The following CSMD3 variants were observed in gnomAD, a reference collection of about 807,000 sequenced individuals.
The protein encoded by CSMD3 is CUB and sushi domain-containing protein 3.
CSMD3 carries 177 observed loss-of-function variants against 435.2 expected under a neutral mutation model. That is an observed-to-expected ratio of 0.41 (90% CI 0.36 to 0.46). CSMD3 has a LOEUF of 0.46. Among genes scored for constraint, CSMD3 ranks in the 20% least tolerant of loss-of-function variants. The pLI is 0.34. For synonymous variants in CSMD3, 1,656 were observed against 1,520.5 expected (o/e 1.09, Z -2.07); for missense variants, 4,265 against 4,504.6 (o/e 0.95, Z 1.52).
chr8:112,905,519 G>A (rs1264410253), intron 10 of CSMD3, among the ~76,000 whole-genome samples: 1 of 151,272 alleles, frequency 6.6e-6, no homozygotes, highest in Non-Finnish European at 1.5e-5. Flanking sequence ...AGGGACAGTT[G>A]TTCTTTCCAA....
chr8:112,712,360 T>C (rs2076627492), intron 13 of CSMD3, among the ~76,000 whole-genome samples: 1 of 152,172 alleles, frequency 6.6e-6, no homozygotes. Flanking sequence ...CTTGAGGTAA[T>C]TTAGTTTCTA....
rs143925513 is a variant in CSMD3 at position 112,289,405 on chromosome 8, T to C, written c.9108A>G (p.Gln3036=). The part of the protein sequence containing the change: ...SLLGQSSRTC[Q]LNGHWSGSQP... ...GTGATCCACTCCAATGGCCATTCAA[T>C]TGGCAGGTTCTTGATGACTGGCCTA... is the stretch of plus-strand genomic sequence containing the variant. The change falls in exon 57 of 71, where the codon CAA becomes CAG. Residue 3036 remains glutamine, a synonymous_variant. Transcript: ENST00000297405. The C allele has an allele frequency of 5.2e-4, 846 of 1,613,402 alleles. 5 individuals are homozygous for C. The African/African-American group carries it at 9.7e-3, about 18-fold the overall frequency.
At chr8:112,570,128 A>G (rs1829388638) in intron 24 of CSMD3, among the ~76,000 whole-genome samples, 1 of 151,298 alleles carries the variant, frequency 6.6e-6, no homozygotes, top group South Asian at 2.1e-4. Flanking sequence ...TATCACGTTC[A>G]GGAATTGAAT....
At chr8:113,296,937 C>G (rs1223053267) in intron 2 of CSMD3, among the ~76,000 whole-genome samples, 1 of 151,788 alleles carries the variant, frequency 6.6e-6, no homozygotes, top group African/African-American at 2.4e-5. Flanking sequence ...TAAACACAAG[C>G]GAAAAAATAA....
intron 11 of CSMD3, among the ~76,000 whole-genome samples, chr8:112,844,609 C>T (rs769494649): frequency 1.3e-5 from 2 of 151,962 alleles, no homozygotes; most frequent in Non-Finnish European, 2.9e-5. Flanking sequence ...CATGTTGCAA[C>T]CTAAGATAAA....
chr8:112,742,350 A>G (rs1217903650), intron 13 of CSMD3, among the ~76,000 whole-genome samples: 2 of 151,984 alleles, frequency 1.3e-5, no homozygotes, highest in African/African-American at 4.8e-5. Flanking sequence ...AGAGAAAGAA[A>G]AAATCTTTGA....
chr8:112,416,270 T>C (rs765591936), intron 32 of CSMD3, among the ~76,000 whole-genome samples: 2 of 152,168 alleles, frequency 1.3e-5, no homozygotes, highest in East Asian at 1.9e-4. Context: ...TTTATAAGTG[T>C]CTGGTATTTC....
chr8:112,992,186 TTTTC>T (rs200141208), intron 6 of CSMD3, among the ~76,000 whole-genome samples: 48 of 151,838 alleles, frequency 3.2e-4, no homozygotes, highest in African/African-American at 7.5e-4. Context: ...CTTCCTTCTT[TTTTC>T]TTTCTTTCTT....
At position 113,201,050 on chromosome 8, in the gene CSMD3, C is replaced by T. The variant is rs74384184; in HGVS notation, c.515-27134G>A. ...AGACTATTTGCATCTCTCTCAGAAC[C>T]CTTTGTAGAGACAACTTCATGTGAA... On this transcript the variant is annotated intron_variant, in intron 3 of 70. Coordinates refer to ENST00000297405, the MANE Select transcript of CSMD3 (RefSeq NM_198123.2). 3.1e-3 allele frequency among the ~76,000 whole-genome samples: 470 copies of T among 151,872 alleles called. 4 individuals are homozygous for T. In the East Asian group the frequency reaches 0.032, roughly 10 times the overall value.
At chr8:113,422,354 C>A (rs1022305141) in intron 1 of CSMD3, among the ~76,000 whole-genome samples, 1 of 152,182 alleles carries the variant, frequency 6.6e-6, no homozygotes, top group Non-Finnish European at 1.5e-5. Flanking sequence ...GCATGTGTAG[C>A]AAATCTGCCG....
intron 6 of CSMD3, among the ~76,000 whole-genome samples, chr8:112,979,990 A>T (rs2084990443): frequency 6.6e-6 from 1 of 151,066 alleles, no homozygotes; most frequent in Non-Finnish European, 1.5e-5. Flanking sequence ...TGAAATTATG[A>T]TAATGGAAAA....
At chr8:112,596,542 C>T (rs927566877) in intron 22 of CSMD3, among the ~76,000 whole-genome samples, 1 of 152,120 alleles carries the variant, frequency 6.6e-6, no homozygotes, top group African/African-American at 2.4e-5. Context: ...GAACTCTCCA[C>T]CCCAAATCAA....
At chr8:113,395,769 G>T (rs529342271) in intron 1 of CSMD3, among the ~76,000 whole-genome samples, 1 of 152,054 alleles carries the variant, frequency 6.6e-6, no homozygotes, top group African/African-American at 2.4e-5. Context: ...TTCTGCCATC[G>T]TTGCTGCTCC....
intron 19 of CSMD3, among the ~76,000 whole-genome samples, chr8:112,645,589 G>T (rs1391017757): frequency 6.6e-6 from 1 of 152,078 alleles, no homozygotes; most frequent in Non-Finnish European, 1.5e-5. Context: ...AAAACTGTTT[G>T]ATATAGATTC....
chr8:113,011,352 G>T lies in CSMD3; in HGVS notation c.1030+7715C>A, dbSNP rs1280073945. Reference sequence around the variant, plus strand: ...TATTGGACTAGAGTTAAGCAAAAAAGTGTCACTAGCATTGTGTTTCCAATG... The same window carrying T: ...TATTGGACTAGAGTTAAGCAAAAAATTGTCACTAGCATTGTGTTTCCAATG... On this transcript the variant is annotated intron_variant, in intron 6 of 70. Coordinates refer to ENST00000297405, the MANE Select transcript of CSMD3 (RefSeq NM_198123.2). 2.0e-5 allele frequency among the ~76,000 whole-genome samples: 3 copies of T among 151,708 alleles called. No homozygotes were observed. The Admixed American group carries it at 2.0e-4, about 10-fold the overall frequency.
intron 3 of CSMD3, among the ~76,000 whole-genome samples, chr8:113,253,220 C>CA (rs112762572): frequency 1.1e-4 from 16 of 150,376 alleles, no homozygotes; most frequent in Admixed American, 2.0e-4. Flanking sequence ...AGTTAGCTGA[C>CA]AAAAAAAAAC....
chr8:112,356,148 T>G (rs1826577532), intron 38 of CSMD3, among the ~76,000 whole-genome samples: 1 of 152,074 alleles, frequency 6.6e-6, no homozygotes, highest in South Asian at 2.1e-4. Flanking sequence ...AACTTAGAAC[T>G]ACCATTTAAC....
chr8:112,232,998 C>T (rs1813242297), intron 68 of CSMD3, among the ~76,000 whole-genome samples: 1 of 152,170 alleles, frequency 6.6e-6, no homozygotes, highest in Admixed American at 6.6e-5. Context: ...TATTGTTTGA[C>T]CCAGAGGCTT....
chr8:113,121,722 C>G (rs986769603), intron 4 of CSMD3, among the ~76,000 whole-genome samples: 1 of 151,994 alleles, frequency 6.6e-6, no homozygotes, highest in Non-Finnish European at 1.5e-5. Flanking sequence ...CACAGTTAGA[C>G]AGCATTCACG....
Sources: allele counts gnomAD v4.1 joint callset (sites outside exome capture counted in the v4.1 genomes callset), GRCh38; gene constraint gnomAD v4.1.1; transcripts MANE v1.5; gene names NCBI Gene and HGNC (gene_info 2026-07-23, HGNC 2026-07-21).